The following CPS1 variants were observed in gnomAD, a reference collection of about 807,000 sequenced individuals.
The protein encoded by CPS1 is carbamoyl-phosphate synthase 1.
A neutral mutation model predicts 174.6 loss-of-function variants in CPS1; 109 were observed. That is an observed-to-expected ratio of 0.62 (90% CI 0.53 to 0.73). The LOEUF (loss-of-function observed/expected upper bound fraction) is 0.73, where lower values mean the gene tolerates loss of function less well. Ranked by LOEUF, CPS1 falls within the 30% of genes least tolerant of loss-of-function variation. The pLI is 0.00. For missense variants in CPS1, 1,689 were observed against 1,821.9 expected (o/e 0.93, Z 1.33); for synonymous variants, 637 against 632.0 (o/e 1.01, Z -0.12).
chr2:210,672,908 T>G (rs1701360766), intron 34 of CPS1: 1 of 152,224 alleles, frequency 6.6e-6, no homozygotes, highest in Non-Finnish European at 1.5e-5. Flanking sequence ...AATTTTATAT[T>G]TGAACATAGT....
rs533884216 is a variant in CPS1, at chr2:210,650,260, C to T, written c.3405-103C>T. On this transcript the variant is annotated intron_variant, in intron 27 of 37. Transcript: ENST00000233072. ...ATTTAGCAAGAGGCACCTTCTTATT[C>T]AGCCCCGACTGGAACTATAGGTTGT... The T allele has an allele frequency of 6.0e-5, 56 of 933,566 alleles. No individual in the cohort carries two copies. In the South Asian group the frequency reaches 7.0e-4, roughly 12 times the overall value. The allele number at this position is 933,566 out of a possible 1,614,324, so 57.8% of individuals were successfully genotyped here. A position where few individuals can be genotyped will look rare whatever the true frequency, so the allele number is the denominator to read the frequency against.
intron 21 of CPS1, among the ~76,000 whole-genome samples, chr2:210,630,989 T>C (rs911012614): frequency 2.6e-5 from 4 of 151,152 alleles, no homozygotes; most frequent in African/African-American, 9.7e-5. Flanking sequence ...TTACTGAACG[T>C]CAGGCTTAGT....
At chr2:210,494,707 T>C (rs912055857) in intron 1 of CPS1, among the ~76,000 whole-genome samples, 18 of 152,242 alleles carry the variant, frequency 1.2e-4, no homozygotes, top group Admixed American at 2.6e-4. Flanking sequence ...TTATTTTAAT[T>C]GTGTGCACAA....
chr2:210,487,022 T>C (rs1043644669), intron 1 of CPS1, among the ~76,000 whole-genome samples: 2 of 146,802 alleles, frequency 1.4e-5, no homozygotes, highest in Non-Finnish European at 1.5e-5. Context: ...TGCTTTGAAT[T>C]CTTACTCTGT....
chr2:210,496,146 C>T (rs573894396), intron 1 of CPS1, among the ~76,000 whole-genome samples: 28 of 151,638 alleles, frequency 1.8e-4, no homozygotes, highest in Non-Finnish European at 3.4e-4. Flanking sequence ...AAAACTTCCA[C>T]CTAGCAGGGG....
At chr2:210,613,437 T>TACC (rs1699196745) in intron 20 of CPS1, among the ~76,000 whole-genome samples, 2 of 151,928 alleles carry the variant, frequency 1.3e-5, no homozygotes, top group Non-Finnish European at 2.9e-5. Context: ...ATTAGAATTT[T>TACC]TCTCTGGCGG....
intron 34 of CPS1, among the ~76,000 whole-genome samples, chr2:210,669,198 A>G (rs1701209935): frequency 6.6e-6 from 1 of 152,142 alleles, no homozygotes; most frequent in Admixed American, 6.6e-5. Flanking sequence ...ATGATAGGAA[A>G]CTTCTATTAC....
At chr2:210,555,766 G>A, upstream of CPS1, 2 of 425,706 alleles carry the variant, frequency 4.7e-6, no homozygotes, top group Non-Finnish European at 4.8e-6. Flanking sequence ...GCATCTGCCA[G>A]CCAGTGAGGC....
chr2:210,641,897 A>G (rs1700237481), intron 24 of CPS1, among the ~76,000 whole-genome samples: 1 of 152,228 alleles, frequency 6.6e-6, no homozygotes, highest in Non-Finnish European at 1.5e-5. Context: ...TTAGGCCATT[A>G]TTACACTTCA....
intron 16 of CPS1, among the ~76,000 whole-genome samples, chr2:210,604,443 T>A (rs1698834328): frequency 6.6e-6 from 1 of 151,922 alleles, no homozygotes; most frequent in South Asian, 2.1e-4. Flanking sequence ...CTACCCATTG[T>A]GGGTGTGCCG....
chr2:210,567,469 A>T (rs923526218), intron 1 of CPS1, among the ~76,000 whole-genome samples: 2 of 152,124 alleles, frequency 1.3e-5, no homozygotes, highest in Admixed American at 6.6e-5. Context: ...AAAACAAACA[A>T]ATTTTTTGCT....
chr2:210,615,555 C>T (rs556973365), intron 20 of CPS1, among the ~76,000 whole-genome samples: 46 of 152,010 alleles, frequency 3.0e-4, no homozygotes, highest in African/African-American at 1.0e-3. Flanking sequence ...ATATGTTGTT[C>T]TGGAATATTT....
intron 1 of CPS1, among the ~76,000 whole-genome samples, chr2:210,494,879 T>G (rs1203861437): frequency 1.3e-5 from 2 of 152,140 alleles, no homozygotes; most frequent in African/African-American, 4.8e-5. Flanking sequence ...ATTGTTGGGG[T>G]GCACATGGCA....
chr2:210,612,152 C>T lies in CPS1; in HGVS notation c.2427C>T (p.Phe809=), dbSNP rs747718128. Reference sequence around the variant, plus strand: ...TTGGTCGTACCTTTGAGGAGAGTTTCCAGAAAGCTTTACGGATGTGCCACC... The same window carrying T: ...TTGGTCGTACCTTTGAGGAGAGTTTTCAGAAAGCTTTACGGATGTGCCACC... The part of the protein sequence containing the change: ...MAIGRTFEES[F]QKALRMCHPS... Residue 809 remains phenylalanine, a synonymous_variant, in exon 20 of 38, where the codon TTC becomes TTT. Transcript: ENST00000233072. The T allele has an allele frequency of 6.8e-6, 11 of 1,611,938 alleles. No individual in the cohort carries two copies. The African/African-American group carries it at 9.4e-5, about 14-fold the overall frequency.
intron 1 of CPS1, among the ~76,000 whole-genome samples, chr2:210,565,231 A>G (rs999612634): frequency 2.6e-5 from 4 of 152,088 alleles, no homozygotes; most frequent in Non-Finnish European, 4.4e-5. Flanking sequence ...TCCTCCAATA[A>G]ATTTTCTAAC....
chr2:210,517,614 G>C (rs1053697492), intron 1 of CPS1, among the ~76,000 whole-genome samples: 1 of 151,934 alleles, frequency 6.6e-6, no homozygotes, highest in African/African-American at 2.4e-5. Context: ...TTATTGTCAA[G>C]GTAATGGCAA....
At chr2:210,650,539 C>A in intron 28 of CPS1, 101 bp downstream of exon 28, 1 of 895,672 alleles carries the variant, frequency 1.1e-6, no homozygotes, top group Non-Finnish European at 1.9e-6. Context: ...TTAATGCAAC[C>A]TTACTTTGTA....
At chr2:210,614,873 G>A (rs1305735271) in intron 20 of CPS1, among the ~76,000 whole-genome samples, 3 of 151,770 alleles carry the variant, frequency 2.0e-5, no homozygotes, top group East Asian at 2.0e-4. Context: ...ATTTCACACC[G>A]GGGCCTGTCG....
At chr2:210,492,510 T>C (rs1047414359) in intron 1 of CPS1, among the ~76,000 whole-genome samples, 1 of 152,190 alleles carries the variant, frequency 6.6e-6, no homozygotes, top group Non-Finnish European at 1.5e-5. Context: ...TCTGCCTTCT[T>C]TATTTCACCA....
Sources: allele counts gnomAD v4.1 joint callset (sites outside exome capture counted in the v4.1 genomes callset), GRCh38; gene constraint gnomAD v4.1.1; transcripts MANE v1.5; gene names NCBI Gene and HGNC (gene_info 2026-07-23, HGNC 2026-07-21).